Variants in CHRM3 observed in about 807,000 individuals in gnomAD.
CHRM3 encodes cholinergic receptor muscarinic 3, also known as muscarinic acetylcholine receptor M3.
In CHRM3, 11 loss-of-function variants were observed where a neutral mutation model predicts 41.8. The observed-to-expected ratio is 0.26, with a 90% CI of 0.17 to 0.44. CHRM3 has a LOEUF of 0.44. Among genes scored for constraint, CHRM3 ranks in the 20% least tolerant of loss-of-function variants. The pLI, the probability that CHRM3 is intolerant of heterozygous loss-of-function variation, is 1.00. For synonymous variants in CHRM3, 297 were observed against 301.4 expected (o/e 0.99, Z 0.15); for missense variants, 571 against 745.4 (o/e 0.77, Z 2.72).
chr1:239,416,248 T>A (rs1395296300), intron 1 of CHRM3, among the ~76,000 whole-genome samples: 1 of 152,166 alleles, frequency 6.6e-6, no homozygotes, highest in African/African-American at 2.4e-5. Flanking sequence ...TCTCCTAACG[T>A]TTAGATTCAA....
intron 6 of CHRM3, among the ~76,000 whole-genome samples, chr1:239,881,155 C>T (rs562628030): frequency 3.5e-4 from 53 of 151,438 alleles, no homozygotes; most frequent in South Asian, 4.2e-4. Context: ...TGGTGGTGGG[C>T]GCCTGTAGTC....
At chr1:239,903,303 A>C (rs1679724484) in intron 6 of CHRM3, among the ~76,000 whole-genome samples, 1 of 152,242 alleles carries the variant, frequency 6.6e-6, no homozygotes, top group Non-Finnish European at 1.5e-5. Context: ...TTGCTGTTGA[A>C]TGTATACAAA....
intron 2 of CHRM3, among the ~76,000 whole-genome samples, chr1:239,503,403 G>T (rs1668370167): frequency 6.6e-6 from 1 of 152,102 alleles, no homozygotes; most frequent in Non-Finnish European, 1.5e-5. Flanking sequence ...ACTGCTGAAA[G>T]AAATCATAGA....
chr1:239,627,878 A>C (rs1669179836), intron 3 of CHRM3, among the ~76,000 whole-genome samples: 1 of 150,930 alleles, frequency 6.6e-6, no homozygotes, highest in African/African-American at 2.5e-5. Flanking sequence ...ATCCGCTGTT[A>C]GTCTGATGGG....
In CHRM3 at chr1:239,907,900, T is replaced by C. The variant is rs1442090970; in HGVS notation, c.449T>C (p.Val150Ala). 3 of 1,614,098 alleles carry C rather than the reference T, an allele frequency of 1.9e-6. No homozygotes were observed. The South Asian group carries it at 3.3e-5, about 18-fold the overall frequency. Residue 150 changes from valine (V) to alanine (A), a missense_variant, in exon 7 of 7, where the codon GTA (valine) becomes GCA (alanine). Val to Ala is a moderately conservative substitution (Grantham distance 64). Coordinates refer to ENST00000676153, the MANE Select transcript of CHRM3 (RefSeq NM_001375978.1). This position sits in a 1 kb window ranked among gnomAD's most constrained non-coding sequence, Gnocchi z 5.4. The part of the protein sequence containing the change: ...ACDLWLAIDY[V>A]ASNASVMNLL... ...GACCTCTGGCTTGCCATTGACTACG[T>C]AGCCAGCAATGCCTCTGTTATGAAT... is the stretch of plus-strand genomic sequence containing the variant.
intron 3 of CHRM3, among the ~76,000 whole-genome samples, chr1:239,580,708 C>CATATATATATAT (rs1558337215): frequency 1.1e-5 from 1 of 94,510 alleles, no homozygotes; most frequent in African/African-American, 3.5e-5. Context: ...TATATATACA[C>CATATATATATAT]ACACACACAC....
chr1:239,856,154 C>T (rs1448240530), intron 6 of CHRM3, among the ~76,000 whole-genome samples: 15 of 152,160 alleles, frequency 9.9e-5, no homozygotes, highest in Admixed American at 9.8e-4. Context: ...TTTCCCTCCA[C>T]CACACCAACT....
intron 5 of CHRM3, among the ~76,000 whole-genome samples, chr1:239,679,536 A>G (rs1658352490): frequency 6.6e-6 from 1 of 152,134 alleles, no homozygotes; most frequent in Non-Finnish European, 1.5e-5. Flanking sequence ...CAAATGTACC[A>G]GGTCACGTTT....
chr1:239,597,858 G>GTTTTTTTT (rs35067421), intron 3 of CHRM3, among the ~76,000 whole-genome samples: 2 of 120,876 alleles, frequency 1.7e-5, no homozygotes, highest in East Asian at 2.6e-4. Flanking sequence ...AACTGTCAGA[G>GTTTTTTTT]TTTTTTTTTT....
At chr1:239,656,526 A>T (rs1025433173) in intron 4 of CHRM3, among the ~76,000 whole-genome samples, 3 of 152,102 alleles carry the variant, frequency 2.0e-5, no homozygotes, top group African/African-American at 7.2e-5. Flanking sequence ...CTATAATCCC[A>T]GCTACTTGGA....
intron 1 of CHRM3, among the ~76,000 whole-genome samples, chr1:239,453,562 T>C (rs1403406342): frequency 6.6e-6 from 1 of 152,202 alleles, no homozygotes; most frequent in Non-Finnish European, 1.5e-5. Context: ...CCTCTTTGTA[T>C]TTCCATACAA....
intron 6 of CHRM3, among the ~76,000 whole-genome samples, chr1:239,839,064 ATCT>A (rs1673567821): frequency 1.3e-5 from 2 of 152,224 alleles, no homozygotes; most frequent in Admixed American, 6.5e-5. Flanking sequence ...CAAAATACAT[ATCT>A]TCTTCCATTC....
chr1:239,440,299 T>C (rs1482864728), intron 1 of CHRM3, among the ~76,000 whole-genome samples: 1 of 147,732 alleles, frequency 6.8e-6, no homozygotes. Context: ...TTCTTGAAAA[T>C]GAGTCACACA....
intron 1 of CHRM3, among the ~76,000 whole-genome samples, chr1:239,433,162 T>A (rs956932841): frequency 1.3e-5 from 2 of 152,170 alleles, no homozygotes; most frequent in Non-Finnish European, 2.9e-5. Flanking sequence ...ACCTACATAT[T>A]TTTAAAGAAT....
intron 1 of CHRM3, among the ~76,000 whole-genome samples, chr1:239,402,025 A>G (rs1660021193): frequency 6.6e-6 from 1 of 152,144 alleles, no homozygotes; most frequent in Non-Finnish European, 1.5e-5. Flanking sequence ...CATTTATGGC[A>G]TCAAGTATTA....
intron 5 of CHRM3, among the ~76,000 whole-genome samples, chr1:239,714,572 G>A (rs767235231): frequency 6.6e-6 from 1 of 152,152 alleles, no homozygotes; most frequent in Non-Finnish European, 1.5e-5. Context: ...GAGACAGAAA[G>A]GACAGAATTT....
intron 3 of CHRM3, among the ~76,000 whole-genome samples, chr1:239,622,372 G>C (rs976176609): frequency 1.3e-5 from 2 of 152,150 alleles, no homozygotes; most frequent in African/African-American, 2.4e-5. Flanking sequence ...AGCTGCCATA[G>C]ATTCTTGTGA....
intron 3 of CHRM3, among the ~76,000 whole-genome samples, chr1:239,566,264 G>C (rs1387248037): frequency 6.6e-6 from 1 of 152,164 alleles, no homozygotes; most frequent in East Asian, 1.9e-4. Flanking sequence ...AGCAGACCAA[G>C]CTATAGATAT....
chr1:239,806,065 G>A (rs1670617628), intron 5 of CHRM3, among the ~76,000 whole-genome samples: 1 of 152,168 alleles, frequency 6.6e-6, no homozygotes, highest in African/African-American at 2.4e-5. Flanking sequence ...AGACACCTTT[G>A]GCATAGGTCC....
Sources: allele counts gnomAD v4.1 joint callset (sites outside exome capture counted in the v4.1 genomes callset), GRCh38; gene constraint gnomAD v4.1.1; non-coding constraint Gnocchi (gnomAD v3.1); transcripts MANE v1.5; gene names NCBI Gene and HGNC (gene_info 2026-07-23, HGNC 2026-07-21).